The following DYDC2 variants were observed in gnomAD, a reference collection of about 807,000 sequenced individuals.
DYDC2 encodes DPY30 domain-containing protein 2.
DYDC2 carries 19 observed loss-of-function variants against 18.7 expected under a neutral mutation model. That is an observed-to-expected ratio of 1.02 (90% CI 0.71 to 1.49). The LOEUF is 1.49. Ranked by LOEUF, DYDC2 falls within the 40% of genes most tolerant of loss-of-function variation. The pLI, the probability that DYDC2 is intolerant of heterozygous loss-of-function variation, is 0.00. For synonymous variants in DYDC2, 63 were observed against 67.6 expected, an observed-to-expected ratio of 0.93 and a Z score of 0.34; for missense variants, 179 against 205.1, an observed-to-expected ratio of 0.87 and a Z score of 0.78.
chr10:80,351,784 A>G (rs1469263189), upstream of DYDC2: 4 of 882,548 alleles, frequency 4.5e-6, no homozygotes, highest in Non-Finnish European at 7.0e-6. Flanking sequence ...AGATGAAGAT[A>G]TTAGGAAGCC....
At chr10:80,358,915 C>CA (rs1843565583) in intron 2 of DYDC2, among the ~76,000 whole-genome samples, 1 of 152,156 alleles carries the variant, frequency 6.6e-6, no homozygotes, top group Non-Finnish European at 1.5e-5. Context: ...TTGCTGGTCT[C>CA]CCTTCAGAAG....
intron 1 of DYDC2, among the ~76,000 whole-genome samples, chr10:80,351,539 GA>G (rs1306397758): frequency 6.6e-6 from 1 of 150,870 alleles, no homozygotes; most frequent in East Asian, 2.0e-4. Context: ...GGCCTCTCAT[GA>G]ACACTTTTCC....
intron 1 of DYDC2, among the ~76,000 whole-genome samples, chr10:80,350,524 A>G (rs1240974203): frequency 6.6e-6 from 1 of 152,196 alleles, no homozygotes; most frequent in African/African-American, 2.4e-5. Flanking sequence ...CCTCCCTTCA[A>G]GAATAAGCCA....
At position 80,346,606 on chromosome 10, in the gene DYDC2, G is replaced by A. The variant is rs553636123; in HGVS notation, c.-310+1791G>A. 7.1e-4 allele frequency among the ~76,000 whole-genome samples: 107 copies of A among 151,492 alleles called. 2 individuals carry two copies. In the East Asian group the frequency reaches 0.019, roughly 27 times the overall value. On this transcript the variant is annotated intron_variant, in intron 1 of 4. Coordinates refer to the DYDC2 transcript ENST00000372197. Reference sequence around the variant, plus strand: ...CTCCTGAGTAGCTGGGACTACAGGCGCCCGCCACCACGCCCGGCTAATTTT... The same window carrying A: ...CTCCTGAGTAGCTGGGACTACAGGCACCCGCCACCACGCCCGGCTAATTTT...
chr10:80,353,247 C>T (rs1843109902), upstream of DYDC2, among the ~76,000 whole-genome samples: 1 of 152,018 alleles, frequency 6.6e-6, no homozygotes, highest in Non-Finnish European at 1.5e-5. Flanking sequence ...CCCCAATTTT[C>T]TTTTCAAGTT....
Position 80,363,141 on chromosome 10 carries a change from G to C in DYDC2, c.270+68G>C, listed in dbSNP as rs895951255. The stretch of plus-strand genomic sequence containing the variant: ...GTGATGGACTCCAGGAAAGCCACAA[G>C]TCAGCCCAGTCCCAATCCAAGGCAC... On this transcript the variant is annotated intron_variant, in intron 4 of 4. Transcript: ENST00000256039. 10 of 1,547,706 alleles carry C rather than the reference G, an allele frequency of 6.5e-6. No homozygotes were observed. The African/African-American group carries it at 1.4e-4, about 22-fold the overall frequency.
At chr10:80,352,031 G>A (rs370225892), upstream of DYDC2, 258 of 1,602,446 alleles carry the variant, frequency 1.6e-4, no homozygotes, top group Non-Finnish European at 1.9e-4. Context: ...AACAGCACAC[G>A]ACTTCTTAGC....
chr10:80,347,468 T>C (rs1842738710), intron 1 of DYDC2, among the ~76,000 whole-genome samples: 1 of 152,116 alleles, frequency 6.6e-6, no homozygotes, highest in African/African-American at 2.4e-5. Context: ...GTCCCATTTG[T>C]TTAGGTTTGC....
chr10:80,356,732 G>A, upstream of DYDC2: 5 of 985,388 alleles, frequency 5.1e-6, no homozygotes, highest in Non-Finnish European at 6.0e-6. Context: ...GCGCCTGCTC[G>A]CCACCCAGGA....
At chr10:80,366,028 C>CTTTTTTTTTTTTTT (rs770351822) in intron 4 of DYDC2, among the ~76,000 whole-genome samples, 71 of 90,334 alleles carry the variant, frequency 7.9e-4, no homozygotes, top group South Asian at 1.8e-3. Flanking sequence ...TTTTCTTTCT[C>CTTTTTTTTTTTTTT]TTTTTTTTTT....
chr10:80,352,495 C>G (rs1351444629), upstream of DYDC2: 1 of 1,611,724 alleles, frequency 6.2e-7, no homozygotes, highest in Admixed American at 1.7e-5. Context: ...CTTGTAAATC[C>G]ACAATGCTAA....
chr10:80,364,031 C>T (rs1229500804), intron 4 of DYDC2, among the ~76,000 whole-genome samples: 3 of 152,112 alleles, frequency 2.0e-5, no homozygotes, highest in East Asian at 1.9e-4. Flanking sequence ...GATAGAGAGT[C>T]GTCTCAATTG....
exon 1 of DYDC2, chr10:80,344,762 A>C (rs1468039645): frequency 6.1e-6 from 2 of 326,730 alleles, no homozygotes. Flanking sequence ...ACCATGTAAG[A>C]AGTGCCTTTC....
intron 2 of DYDC2, among the ~76,000 whole-genome samples, chr10:80,361,227 G>T (rs1691964260): frequency 6.6e-6 from 1 of 151,142 alleles, no homozygotes; most frequent in African/African-American, 2.4e-5. Flanking sequence ...GGATTTATTT[G>T]ATGTTTCTTC....
At chr10:80,366,506 A>G (rs904645204) in intron 4 of DYDC2, among the ~76,000 whole-genome samples, 182 bp from the exon 5 acceptor site, 5 of 152,200 alleles carry the variant, frequency 3.3e-5, no homozygotes, top group African/African-American at 1.2e-4. Context: ...TCTGGCAGGC[A>G]GTTAAATTAT....
chr10:80,366,701 A>G lies in DYDC2; in HGVS notation c.284A>G (p.Glu95Gly), dbSNP rs773114735. The G allele has an allele frequency of 6.2e-7, 1 of 1,602,876 alleles. No individual in the cohort carries two copies. Among genetic ancestry groups the G allele is most frequent in the Non-Finnish European group, 8.5e-7 (1 of 1,175,282 alleles). Reference sequence around the variant, plus strand: ...TTTTCTATTTAGGAACTGACTTCTGAAACTGTTTCCACGAAGAAGACCATA... The same window carrying G: ...TTTTCTATTTAGGAACTGACTTCTGGAACTGTTTCCACGAAGAAGACCATA... ...CEKCHKELTS[E>G]TVSTKKTIFM... Residue 95 changes from glutamate to glycine, a missense_variant, in exon 5 of 5, where the codon GAA becomes GGA. Physicochemically the swap from Glu to Gly is moderately conservative, Grantham distance 98. Coordinates refer to ENST00000256039, the MANE Select transcript of DYDC2 (RefSeq NM_032372.6).
At chr10:80,354,559 T>A (rs1290368757), upstream of DYDC2, 1 of 151,840 alleles carries the variant, frequency 6.6e-6, no homozygotes, top group East Asian at 1.9e-4. Context: ...TACAAAACTA[T>A]TGTGAATTGA....
At chr10:80,362,376 T>C in intron 2 of DYDC2, 59 bp from the exon 3 acceptor site, 1 of 1,562,358 alleles carries the variant, frequency 6.4e-7, no homozygotes, top group Non-Finnish European at 8.7e-7. Flanking sequence ...AGAATGTGTC[T>C]ATTTTTAATA....
chr10:80,360,132 A>C (rs1843621719), intron 2 of DYDC2, among the ~76,000 whole-genome samples: 1 of 152,226 alleles, frequency 6.6e-6, no homozygotes, highest in Non-Finnish European at 1.5e-5. Flanking sequence ...CATTGGTTCA[A>C]GTGGGCCACA....
Sources: gnomAD v4.1 joint callset for allele counts (sites outside exome capture counted in the v4.1 genomes callset) on GRCh38, gnomAD v4.1.1 for gene constraint, MANE v1.5 for transcripts, NCBI Gene and HGNC (gene_info 2026-07-23, HGNC 2026-07-21) for gene names.